SFXN2: variants seen among roughly 807,000 people sequenced by gnomAD.
The protein encoded by SFXN2 is sideroflexin-2.
SFXN2 carries 37 observed loss-of-function variants against 41.9 expected under a neutral mutation model. The ratio of observed to expected loss-of-function variants is 0.88; its 90% CI spans 0.68 to 1.16. The LOEUF is 1.16. Ranked by LOEUF, SFXN2 falls within the 50% of genes most tolerant of loss-of-function variation. The probability of loss-of-function intolerance (pLI) is 0.00; values close to 1 mark genes in which losing one functional copy is unlikely to be tolerated. For synonymous variants in SFXN2, 150 were observed against 156.7 expected, an observed-to-expected ratio of 0.96 and a Z score of 0.32; for missense variants, 386 against 425.2, an observed-to-expected ratio of 0.91 and a Z score of 0.81.
intron 1 of SFXN2, among the ~76,000 whole-genome samples, chr10:102,725,894 TA>T (rs1159350849): frequency 1.3e-5 from 2 of 151,614 alleles, no homozygotes; most frequent in East Asian, 2.0e-4. Context: ...TAAAATTAAA[TA>T]AAAAAAAGAA....
chr10:102,729,769 C>T lies in SFXN2; in HGVS notation c.554C>T (p.Ala185Val), dbSNP rs1316924099. 6.2e-7 allele frequency: 1 copy of T among 1,613,978 alleles called. No homozygotes were observed. The highest frequency in any genetic ancestry group is 1.3e-5 in the African/African-American group (1 of 74,928). The change falls in exon 6 of 12, where the codon GCT becomes GTT. Residue 185 changes from alanine (A) to valine (V), a missense_variant. Transcript: ENST00000369893. ...VGRWVPFAAV[A>V]AANCVNIPMM... is the part of the protein sequence containing the mutation. The stretch of plus-strand genomic sequence containing the variant: ...CGCTGGGTGCCCTTTGCCGCTGTGG[C>T]TGCGGCTAACTGTGTCAATATCCCC...
intron 1 of SFXN2, among the ~76,000 whole-genome samples, chr10:102,721,034 C>A (rs1474886242): frequency 6.6e-6 from 1 of 152,134 alleles, no homozygotes; most frequent in African/African-American, 2.4e-5. Flanking sequence ...CCCCTGAACC[C>A]CCTCTGAGGT....
intron 7 of SFXN2, 78 bp downstream of exon 7, chr10:102,731,861 G>A: frequency 1.5e-6 from 2 of 1,317,498 alleles, no homozygotes; most frequent in African/African-American, 1.5e-5. Context: ...GGTCAGAGTA[G>A]GCACCAATAT....
At chr10:102,728,254 G>C (rs949677353) in intron 3 of SFXN2, among the ~76,000 whole-genome samples, 177 bp from the exon 4 acceptor site, 1 of 152,096 alleles carries the variant, frequency 6.6e-6, no homozygotes, top group Non-Finnish European at 1.5e-5. Context: ...AGCTGAGATC[G>C]TACCACTGCA....
rs368501290 is a variant in SFXN2, at chr10:102,728,456, C to T, written c.358C>T (p.Gln120Ter). ...YRTMPAVIFWQWVNQSFNALV... is the reference protein window; with the variant it reads ...YRTMPAVIFW ...GACGATGCCGGCGGTGATCTTCTGG[C>T]AGTGGGTGAACCAGTCCTTCAATGC... The change falls in exon 4 of 12, where the codon CAG becomes TAG. Residue 120 changes from glutamine to a stop codon, truncating the protein, a stop_gained. Coordinates refer to ENST00000369893, the MANE Select transcript of SFXN2 (RefSeq NM_178858.6). LOFTEE classifies it high-confidence loss of function. The T allele has an allele frequency of 7.6e-5, 122 of 1,613,986 alleles. No individual in the cohort carries two copies. Among genetic ancestry groups the T allele is most frequent in the Non-Finnish European group, 1.0e-4 (120 of 1,179,964 alleles).
intron 1 of SFXN2, chr10:102,717,887 T>C: frequency 1.4e-6 from 1 of 711,126 alleles, no homozygotes. Context: ...GAGGCAGACT[T>C]TACACAAATC....
rs371557850 is a variant in SFXN2 at position 102,726,970 on chromosome 10, C to T, written c.162-17C>T. Reference sequence around the variant, plus strand: ...GATCAGGCAGGATGGTGACTGCCTGCTGTCCTTGGGTGGCAGGATGGGGGT... The same window carrying T: ...GATCAGGCAGGATGGTGACTGCCTGTTGTCCTTGGGTGGCAGGATGGGGGT... On this transcript the variant is annotated splice_polypyrimidine_tract_variant and intron_variant, in intron 2 of 11. Coordinates refer to ENST00000369893, the MANE Select transcript of SFXN2 (RefSeq NM_178858.6). 3.1e-5 allele frequency: 49 copies of T among 1,590,324 alleles called. No homozygotes were observed. The highest frequency in any genetic ancestry group is 2.8e-4 in the African/African-American group (21 of 74,634).
At chr10:102,735,301 C>A (rs1295044875) in intron 10 of SFXN2, among the ~76,000 whole-genome samples, 1 of 151,086 alleles carries the variant, frequency 6.6e-6, no homozygotes, top group Non-Finnish European at 1.5e-5. Context: ...GTCACTCCTC[C>A]CCCTTCAAGT....
At chr10:102,726,486 C>T in intron 1 of SFXN2, 126 bp from the exon 2 acceptor site, 1 of 981,894 alleles carries the variant, frequency 1.0e-6, no homozygotes, top group South Asian at 1.6e-5. Context: ...TTGGGCCCTC[C>T]CAAGCTGAGT....
At position 102,734,419 on chromosome 10, in the gene SFXN2, ATC is replaced by A. The variant is rs1282587402; in HGVS notation, c.821+818_821+819del. 6.6e-6 allele frequency among the ~76,000 whole-genome samples: 1 copy of A among 152,204 alleles called. No individual in the cohort carries two copies. Among genetic ancestry groups the A allele is most frequent in the African/African-American group, 2.4e-5 (1 of 41,434 alleles). On this transcript the variant is annotated intron_variant, in intron 10 of 11. Transcript: ENST00000369893. The surrounding 1 kb of genome is among the most constrained non-coding windows in gnomAD (Gnocchi z 4.1). The stretch of plus-strand genomic sequence containing the variant: ...GTCCCCACTGAACCCAGTGTTTCAT[ATC>A]TATAATTTCACTTAATTCTCCCAGC...
intron 7 of SFXN2, 71 bp downstream of exon 7, chr10:102,731,854 C>A: frequency 1.5e-6 from 2 of 1,375,486 alleles, no homozygotes; most frequent in South Asian, 2.4e-5. Flanking sequence ...CCTTAGTGGT[C>A]AGAGTAGGCA....
Position 102,740,044 on chromosome 10 carries a change from G to A in SFXN2, c.*2282G>A, listed in dbSNP as rs2134015130. The A allele has an allele frequency of 1.3e-5, 2 of 152,332 alleles. No individual in the cohort carries two copies. Among genetic ancestry groups the A allele is most frequent in the Admixed American group, 1.3e-4 (2 of 15,298 alleles). The allele number at this position is 152,332 out of a possible 1,614,324, so 9.4% of individuals were successfully genotyped here. A position where few individuals can be genotyped will look rare whatever the true frequency, so the allele number is the denominator to read the frequency against. On this transcript the variant is annotated 3_prime_UTR_variant, in exon 12 of 12. Coordinates refer to ENST00000369893, the MANE Select transcript of SFXN2 (RefSeq NM_178858.6). ...GTCATTGCCCGGTGATGCTGATTCT[G>A]TTGGTCTTGGCACCATACGTGGAGG...
At position 102,737,948 on chromosome 10, in the gene SFXN2, AGTG is replaced by A; in HGVS notation, c.*187_*189del. On this transcript the variant is annotated 3_prime_UTR_variant, in exon 12 of 12. Transcript: ENST00000369893. ...GGTTGATTGGACCTCAGGGGAAAAA[AGTG>A]AAAAAGGGTAGCAAAGGCCAATGTC... is the stretch of plus-strand genomic sequence containing the variant. 2.4e-6 allele frequency: 1 copy of A among 410,932 alleles called. No individual in the cohort carries two copies. Among genetic ancestry groups the A allele is most frequent in the African/African-American group, 2.0e-5 (1 of 49,648 alleles). 25.5% of individuals were successfully genotyped at this position (410,932 alleles called of 1,614,324 possible).
intron 10 of SFXN2, 131 bp from the exon 11 acceptor site, chr10:102,735,731 A>G: frequency 1.2e-6 from 1 of 866,920 alleles, no homozygotes; most frequent in Non-Finnish European, 2.0e-6. Flanking sequence ...GGAGGGTTGG[A>G]GGGAGAGGAT....
At position 102,739,366 on chromosome 10, in the gene SFXN2, C is replaced by T. The variant is rs148102608; in HGVS notation, c.*1604C>T. The T allele has an allele frequency of 6.6e-6, 1 of 152,306 alleles. No individual in the cohort carries two copies. Among genetic ancestry groups the T allele is most frequent in the East Asian group, 1.9e-4 (1 of 5,188 alleles). 9.4% of individuals were successfully genotyped at this position (152,306 alleles called of 1,614,324 possible). A position where few individuals can be genotyped will look rare whatever the true frequency, so the allele number is the denominator to read the frequency against. On this transcript the variant is annotated 3_prime_UTR_variant, in exon 12 of 12. Coordinates refer to ENST00000369893, the MANE Select transcript of SFXN2 (RefSeq NM_178858.6). ...AATCCACCTGTCTCCACAGGAAGCT[C>T]CAGATCTCCCAGAATGGGAGCTGTG... is the stretch of plus-strand genomic sequence containing the variant.
Position 102,742,451 on chromosome 10 carries a change from G to T in SFXN2, c.*4689G>T. On this transcript the variant is annotated 3_prime_UTR_variant, in exon 12 of 12. Coordinates refer to ENST00000369893, the MANE Select transcript of SFXN2 (RefSeq NM_178858.6). ...GCTGGGATTACAGGCAGGAGCCACC[G>T]CACCTGGCCTTTTTTTTTTTTTGAG... is the stretch of plus-strand genomic sequence containing the variant. 1 of 147,972 alleles carries T rather than the reference G, an allele frequency of 6.8e-6. No individual in the cohort carries two copies. Among genetic ancestry groups the T allele is most frequent in the Non-Finnish European group, 1.5e-5 (1 of 67,494 alleles). The allele number at this position is 147,972 out of a possible 1,614,324, so 9.2% of individuals were successfully genotyped here.
At chr10:102,731,839 C>T (rs1052760496) in intron 7 of SFXN2, 56 bp downstream of exon 7, 3 of 1,512,224 alleles carry the variant, frequency 2.0e-6, no homozygotes, top group Non-Finnish European at 2.7e-6. Flanking sequence ...CATACCCTGT[C>T]CCCTCCTTAG....
chr10:102,736,702 A>G (rs1482479784), intron 11 of SFXN2, among the ~76,000 whole-genome samples: 1 of 151,664 alleles, frequency 6.6e-6, no homozygotes, highest in Non-Finnish European at 1.5e-5. Flanking sequence ...GGCGTGAGCC[A>G]CCGCGCCTGG....
rs753057222 is a variant in SFXN2 at position 102,726,630 on chromosome 10, G to A, written c.-7G>A. On this transcript the variant is annotated 5_prime_UTR_variant, in exon 2 of 12. Coordinates refer to ENST00000369893, the MANE Select transcript of SFXN2 (RefSeq NM_178858.6). The stretch of plus-strand genomic sequence containing the variant: ...CCCTTAGGTCCACAGTTTTATGTGT[G>A]AGCAAGATGGAGGCTGACCTGTCTG... The A allele has an allele frequency of 2.2e-5, 35 of 1,613,968 alleles. No individual in the cohort carries two copies. Among genetic ancestry groups the A allele is most frequent in the Admixed American group, 1.2e-4 (7 of 60,000 alleles).
Sources: allele counts gnomAD v4.1 joint callset (sites outside exome capture counted in the v4.1 genomes callset), GRCh38; gene constraint gnomAD v4.1.1; non-coding constraint Gnocchi (gnomAD v3.1); transcripts MANE v1.5; gene names NCBI Gene and HGNC (gene_info 2026-07-23, HGNC 2026-07-21).